Variants in ROR1 observed in about 807,000 individuals in gnomAD.
ROR1 encodes the protein ROR family WNT receptor 1, also known as inactive tyrosine-protein kinase transmembrane receptor ROR1.
ROR1 carries 19 observed loss-of-function variants against 78.8 expected under a neutral mutation model. The ratio of observed to expected loss-of-function variants is 0.24; its 90% confidence interval spans 0.17 to 0.35. The LOEUF is 0.35. ROR1 is among the 10% of genes least tolerant of loss of function. The probability of loss-of-function intolerance (pLI) is 1.00; values close to 1 mark genes in which losing one functional copy is unlikely to be tolerated. For missense variants in ROR1, 917 were observed against 1,177.8 expected (o/e 0.78, Z 3.24); for synonymous variants, 386 against 433.6 (o/e 0.89, Z 1.36).
intron 2 of ROR1, among the ~76,000 whole-genome samples, chr1:64,019,442 T>C (rs887435768): frequency 1.3e-5 from 2 of 152,196 alleles, no homozygotes; most frequent in Non-Finnish European, 2.9e-5. Context: ...AAGTACAGAA[T>C]GTAATGACAT....
intron 1 of ROR1, among the ~76,000 whole-genome samples, chr1:63,776,958 G>A (rs566526641): frequency 2.0e-5 from 3 of 152,228 alleles, no homozygotes; most frequent in Admixed American, 2.0e-4. Flanking sequence ...AGTGGCTCAG[G>A]AAATCAGCTT....
chr1:63,880,965 T>C (rs1245809339), intron 1 of ROR1, among the ~76,000 whole-genome samples: 1 of 152,210 alleles, frequency 6.6e-6, no homozygotes, highest in East Asian at 1.9e-4. Context: ...TATTTTCTTA[T>C]CCTCCTAATT....
intron 4 of ROR1, among the ~76,000 whole-genome samples, chr1:64,067,916 G>A (rs1490621240): frequency 6.6e-6 from 1 of 151,948 alleles, no homozygotes; most frequent in African/African-American, 2.4e-5. Flanking sequence ...GTTTCACTGT[G>A]TTAGCCAGGA....
chr1:64,132,911 G>A (rs769728984), intron 4 of ROR1, among the ~76,000 whole-genome samples: 5 of 152,072 alleles, frequency 3.3e-5, no homozygotes, highest in Non-Finnish European at 5.9e-5. Context: ...GAAGAAAATC[G>A]CTTCCAATTA....
At chr1:63,803,636 G>A (rs1223264695) in intron 1 of ROR1, among the ~76,000 whole-genome samples, 5 of 152,140 alleles carry the variant, frequency 3.3e-5, no homozygotes, top group African/African-American at 1.2e-4. Context: ...GAGCCACCGC[G>A]CCCGGCCCAA....
At chr1:63,827,529 A>T (rs1203739981) in intron 1 of ROR1, among the ~76,000 whole-genome samples, 1 of 152,126 alleles carries the variant, frequency 6.6e-6, no homozygotes, top group Non-Finnish European at 1.5e-5. Context: ...AAGGGGTTGG[A>T]TGGAATTTGT....
intron 4 of ROR1, among the ~76,000 whole-genome samples, chr1:64,057,476 A>G (rs1646884346): frequency 6.6e-6 from 1 of 152,226 alleles, no homozygotes; most frequent in Non-Finnish European, 1.5e-5. Flanking sequence ...TATATTACAA[A>G]GAATTTGCTA....
intron 1 of ROR1, among the ~76,000 whole-genome samples, chr1:63,858,352 G>T (rs182513862): frequency 3.9e-5 from 6 of 152,236 alleles, no homozygotes; most frequent in African/African-American, 1.4e-4. Context: ...GGCCCAGACT[G>T]GGGGTGGCTT....
At chr1:64,000,075 A>T (rs1646370069) in intron 1 of ROR1, among the ~76,000 whole-genome samples, 2 of 152,180 alleles carry the variant, frequency 1.3e-5, no homozygotes, top group South Asian at 4.1e-4. Flanking sequence ...CGTGGGCCAT[A>T]CAAAGGGGAA....
chr1:63,833,990 CTTTTT>C lies in ROR1; in HGVS notation c.91+59494_91+59498del, dbSNP rs71056008. On this transcript the variant is annotated intron_variant, in intron 1 of 8. Transcript: ENST00000371079. Reference sequence around the variant, plus strand: ...CTTTTTTTTGACTTTTCTTCTTCTTCTTTTTTTTTTTTTTTTGTTTGTTTGTTTCC... The same window carrying C: ...CTTTTTTTTGACTTTTCTTCTTCTTCTTTTTTTTTTTGTTTGTTTGTTTCC... Among the ~76,000 whole-genome samples, 346 of 132,024 alleles carry C rather than the reference CTTTTT, an allele frequency of 2.6e-3. 1 individual carries two copies. Among genetic ancestry groups the C allele is most frequent in the African/African-American group, 6.0e-3 (215 of 35,592 alleles). The allele number at this position is 132,024 out of a possible 152,430, so 86.6% of individuals were successfully genotyped here.
At chr1:64,166,453 GC>G in intron 8 of ROR1, among the ~76,000 whole-genome samples, 1 of 152,282 alleles carries the variant, frequency 6.6e-6, no homozygotes, top group East Asian at 1.9e-4. Context: ...GGGCAGTATG[GC>G]CATTTTAATG....
At chr1:63,850,040 T>C (rs1302731745) in intron 1 of ROR1, among the ~76,000 whole-genome samples, 1 of 152,208 alleles carries the variant, frequency 6.6e-6, no homozygotes, top group East Asian at 1.9e-4. Context: ...CCCATGCATG[T>C]TTTTATATTT....
intron 1 of ROR1, among the ~76,000 whole-genome samples, chr1:63,833,758 A>G (rs565341011): frequency 6.6e-6 from 1 of 151,682 alleles, no homozygotes; most frequent in Non-Finnish European, 1.5e-5. Flanking sequence ...TTCCAGCAGT[A>G]TTTGGACTTC....
At chr1:64,128,120 C>G (rs1251953947) in intron 4 of ROR1, among the ~76,000 whole-genome samples, 3 of 151,688 alleles carry the variant, frequency 2.0e-5, no homozygotes, top group African/African-American at 7.3e-5. Context: ...AGAAGCTGCC[C>G]CTCTTCCTCT....
At chr1:64,148,776 C>T (rs1316711361) in intron 7 of ROR1, among the ~76,000 whole-genome samples, 1 of 152,064 alleles carries the variant, frequency 6.6e-6, no homozygotes, top group African/African-American at 2.4e-5. Flanking sequence ...TATGCCCAGA[C>T]AGTGCTTAGA....
intron 4 of ROR1, among the ~76,000 whole-genome samples, chr1:64,098,350 A>G (rs910792395): frequency 6.6e-6 from 1 of 152,132 alleles, no homozygotes; most frequent in Non-Finnish European, 1.5e-5. Flanking sequence ...TTCAGGTACC[A>G]CAAGGTCTTC....
chr1:63,969,690 C>T lies in ROR1; in HGVS notation c.92-39615C>T, dbSNP rs565035904. On this transcript the variant is annotated intron_variant, in intron 1 of 8. Coordinates refer to ENST00000371079, the MANE Select transcript of ROR1 (RefSeq NM_005012.4). Reference sequence around the variant, plus strand: ...TTCCACCCCTCCATGTGTGATGAACCGTCCAGTTCTGTGGATTCCCCCTCC... The same window carrying T: ...TTCCACCCCTCCATGTGTGATGAACTGTCCAGTTCTGTGGATTCCCCCTCC... Among the ~76,000 whole-genome samples the T allele has an allele frequency of 9.9e-4, 150 of 152,094 alleles. 1 individual carries two copies. The highest frequency in any genetic ancestry group is 1.8e-3 in the Non-Finnish European group (122 of 68,010).
intron 4 of ROR1, among the ~76,000 whole-genome samples, chr1:64,079,750 G>T (rs1267951167): frequency 6.6e-6 from 1 of 152,068 alleles, no homozygotes; most frequent in Non-Finnish European, 1.5e-5. Flanking sequence ...CCAAAGTGCT[G>T]GGATTATAAG....
chr1:64,158,097 G>A (rs1250015332), intron 7 of ROR1, among the ~76,000 whole-genome samples: 1 of 152,126 alleles, frequency 6.6e-6, no homozygotes, highest in Admixed American at 6.5e-5. Context: ...TAAGTATTTG[G>A]TTTCAATGGT....
Sources: allele counts gnomAD v4.1 joint callset (sites outside exome capture counted in the v4.1 genomes callset), GRCh38; gene constraint gnomAD v4.1.1; transcripts MANE v1.5; gene names NCBI Gene and HGNC (gene_info 2026-07-23, HGNC 2026-07-21).